APCDD1L: variants seen among roughly 807,000 people sequenced by gnomAD.
APCDD1L encodes protein APCDD1-like.
Under a neutral mutation model 24.2 loss-of-function variants are expected in APCDD1L, and 21 were observed. The observed-to-expected ratio is 0.87, with a 90% CI of 0.61 to 1.25. APCDD1L has a LOEUF of 1.25. APCDD1L is among the 50% of genes most tolerant of loss of function. The probability of loss-of-function intolerance (pLI) is 0.00; values close to 1 mark genes in which losing one functional copy is unlikely to be tolerated. For missense variants in APCDD1L, 704 were observed against 711.7 expected, an observed-to-expected ratio of 0.99 and a Z score of 0.12; for synonymous variants, 321 against 323.6, an observed-to-expected ratio of 0.99 and a Z score of 0.09.
chr20:58,513,639 C>T (rs1568757546), intron 1 of APCDD1L, among the ~76,000 whole-genome samples: 1 of 152,200 alleles, frequency 6.6e-6, no homozygotes, highest in Non-Finnish European at 1.5e-5. Context: ...CCCTCTTCAC[C>T]CCGGGGTTCT....
intron 1 of APCDD1L, among the ~76,000 whole-genome samples, chr20:58,493,019 C>T (rs1299696995): frequency 1.6e-4 from 25 of 151,866 alleles, no homozygotes; most frequent in African/African-American, 6.0e-4. Flanking sequence ...CACGTGCACT[C>T]ACACACAAGG....
chr20:58,494,611 T>C lies in APCDD1L; in HGVS notation c.49+20048A>G, dbSNP rs1990285830. Among the ~76,000 whole-genome samples, 1 of 152,106 alleles carries C rather than the reference T, an allele frequency of 6.6e-6. No individual in the cohort carries two copies. The highest frequency in any genetic ancestry group is 1.5e-5 in the Non-Finnish European group (1 of 68,022). ...GCCTCGGCCTCCCAAAGCGTTGGGATTATAGGTGTGAGCCACTGTGCCTGG... is the reference window on the plus strand; with the variant it reads ...GCCTCGGCCTCCCAAAGCGTTGGGACTATAGGTGTGAGCCACTGTGCCTGG... On this transcript the variant is annotated intron_variant, in intron 1 of 3. Coordinates refer to ENST00000371149, the MANE Select transcript of APCDD1L (RefSeq NM_153360.3). The surrounding 1 kb of genome is among the most constrained non-coding windows in gnomAD (Gnocchi z 4.8).
At chr20:58,509,970 G>C (rs942894475) in intron 1 of APCDD1L, among the ~76,000 whole-genome samples, 1 of 152,052 alleles carries the variant, frequency 6.6e-6, no homozygotes, top group African/African-American at 2.4e-5. Context: ...TCCACCCCTT[G>C]GTCCCTCACT....
intron 1 of APCDD1L, among the ~76,000 whole-genome samples, chr20:58,505,213 G>A (rs17545972): frequency 0.027 from 4,135 of 152,020 alleles, 84 homozygotes; most frequent in South Asian, 0.058. Flanking sequence ...TTCTTTTTAA[G>A]TTTTTTACAA....
chr20:58,511,816 G>A (rs896879402), intron 1 of APCDD1L, among the ~76,000 whole-genome samples: 2 of 152,170 alleles, frequency 1.3e-5, no homozygotes, highest in Non-Finnish European at 2.9e-5. Context: ...AATAGCTTGT[G>A]ATTTTGACCT....
chr20:58,498,562 C>G (rs1990369389), intron 1 of APCDD1L, among the ~76,000 whole-genome samples: 1 of 152,198 alleles, frequency 6.6e-6, no homozygotes, highest in South Asian at 2.1e-4. Context: ...TGATAGGGAC[C>G]ACTTGGGCGG....
rs1457561421 is a variant in APCDD1L, at chr20:58,508,242, T to G, written c.49+6417A>C. 6.6e-6 allele frequency among the ~76,000 whole-genome samples: 1 copy of G among 152,210 alleles called. No individual in the cohort carries two copies. The highest frequency in any genetic ancestry group is 1.5e-5 in the Non-Finnish European group (1 of 68,032). On this transcript the variant is annotated intron_variant, in intron 1 of 3. Coordinates refer to ENST00000371149, the MANE Select transcript of APCDD1L (RefSeq NM_153360.3). This position sits in a 1 kb window ranked among gnomAD's most constrained non-coding sequence, Gnocchi z 4.0. Reference sequence around the variant, plus strand: ...GAAGGAATGCAGCTGATGGACAGGCTGGTGGGCTCTGAGTGACTGCTTCAT... The same window carrying G: ...GAAGGAATGCAGCTGATGGACAGGCGGGTGGGCTCTGAGTGACTGCTTCAT...
chr20:58,514,063 C>A, intron 1 of APCDD1L: 1 of 842,880 alleles, frequency 1.2e-6, no homozygotes. Context: ...CGAAGAGCCA[C>A]CAGGGAACCC....
At position 58,461,234 on chromosome 20, in the gene APCDD1L, C is replaced by T. The variant is rs139865410; in HGVS notation, c.1062G>A (p.Glu354=). 2.7e-4 allele frequency: 436 copies of T among 1,613,626 alleles called. 3 individuals are homozygous for T. In the African/African-American group the frequency reaches 5.1e-3, roughly 19 times the overall value. The change falls in exon 4 of 4, where the codon GAG becomes GAA. Residue 354 remains glutamate (E), a synonymous_variant. Coordinates refer to ENST00000371149, the MANE Select transcript of APCDD1L (RefSeq NM_153360.3). The surrounding 1 kb of genome is among the most constrained non-coding windows in gnomAD (Gnocchi z 6.0). ...RVRGGTELVF[E]VTRAHVTPMD... ...TGGGGGTCACATGGGCCCGTGTGACCTCAAACACCAGCTCGGTGCCGCCGC... is the reference window on the plus strand; with the variant it reads ...TGGGGGTCACATGGGCCCGTGTGACTTCAAACACCAGCTCGGTGCCGCCGC...
At position 58,467,369 on chromosome 20, in the gene APCDD1L, G is replaced by A. The variant is rs758650859; in HGVS notation, c.478C>T (p.Arg160Trp). ...CAGGCCCGGGCCGGAGGCAGCCGCC[G>A]CGCGCAGTCCCGGCCGGCGCGGGTC... ...NQTRAGRDCA[R>W]RLPPARAWLP... Residue 160 changes from arginine to tryptophan, a missense_variant, in exon 3 of 4, where the codon CGG (arginine) becomes TGG (tryptophan). By Grantham distance (101) the Arg-to-Trp change is moderately radical. Transcript: ENST00000371149. This position sits in a 1 kb window ranked among gnomAD's most constrained non-coding sequence, Gnocchi z 5.9. 885 of 1,477,656 alleles carry A rather than the reference G, an allele frequency of 6.0e-4. 5 individuals are homozygous for A. In the Middle Eastern group the frequency reaches 0.021, roughly 35 times the overall value. The allele number at this position is 1,477,656 out of a possible 1,614,324, so 91.5% of individuals were successfully genotyped here.
intron 1 of APCDD1L, among the ~76,000 whole-genome samples, chr20:58,509,409 A>G (rs1471000907): frequency 6.6e-6 from 1 of 152,130 alleles, no homozygotes; most frequent in East Asian, 1.9e-4. Flanking sequence ...TTTGCAAATG[A>G]GTCTTAGCTA....
At chr20:58,491,843 G>A (rs1025913277) in intron 1 of APCDD1L, among the ~76,000 whole-genome samples, 6 of 152,232 alleles carry the variant, frequency 3.9e-5, no homozygotes, top group African/African-American at 1.4e-4. Context: ...TCGAGTAACT[G>A]TAGCATTGTA....
At chr20:58,480,997 G>C (rs1455610040) in intron 1 of APCDD1L, among the ~76,000 whole-genome samples, 1 of 152,206 alleles carries the variant, frequency 6.6e-6, no homozygotes, top group African/African-American at 2.4e-5. Context: ...TGCGTTCCCA[G>C]CTTGCACGTT....
At chr20:58,478,484 C>T (rs1292364737) in intron 1 of APCDD1L, among the ~76,000 whole-genome samples, 2 of 151,896 alleles carry the variant, frequency 1.3e-5, no homozygotes, top group Non-Finnish European at 2.9e-5. Context: ...GTCTGCCAGC[C>T]TCATGAGGGC....
Position 58,464,523 on chromosome 20 carries a change from G to C in APCDD1L, c.741+2583C>G, listed in dbSNP as rs116462539. 2.8e-3 allele frequency among the ~76,000 whole-genome samples: 422 copies of C among 152,328 alleles called. 1 individual carries two copies. The highest frequency in any genetic ancestry group is 9.2e-3 in the African/African-American group (382 of 41,558). On this transcript the variant is annotated intron_variant, in intron 3 of 3. Coordinates refer to ENST00000371149, the MANE Select transcript of APCDD1L (RefSeq NM_153360.3). ...CCCCCAGCCAGCAGAATTCACACTT[G>C]TACAGAAACCAAACTCTTACTCGTT...
chr20:58,515,360 C>A lies in APCDD1L; in HGVS notation c.-653G>T, dbSNP rs139194776. ...CCTCTGTCTGTAAATGAGGCCGTCA[C>A]CCGCTCCCCACCACACCCAAACGCA... On this transcript the variant is annotated 5_prime_UTR_variant, in exon 1 of 4. Transcript: ENST00000371149. The A allele has an allele frequency of 2.9e-6, 1 of 346,596 alleles. No homozygotes were observed. The highest frequency in any genetic ancestry group is 5.2e-6 in the Non-Finnish European group (1 of 193,814). 21.5% of individuals were successfully genotyped at this position (346,596 alleles called of 1,614,324 possible). A position where few individuals can be genotyped will look rare whatever the true frequency, so the allele number is the denominator to read the frequency against.
At chr20:58,502,880 G>A (rs568325195) in intron 1 of APCDD1L, among the ~76,000 whole-genome samples, 18 of 152,232 alleles carry the variant, frequency 1.2e-4, no homozygotes, top group South Asian at 2.1e-4. Context: ...ATTATTCCAC[G>A]TTCTTGTTGA....
At position 58,497,199 on chromosome 20, in the gene APCDD1L, G is replaced by A. The variant is rs911415871; in HGVS notation, c.49+17460C>T. On this transcript the variant is annotated intron_variant, in intron 1 of 3. Coordinates refer to ENST00000371149, the MANE Select transcript of APCDD1L (RefSeq NM_153360.3). The surrounding 1 kb of genome is among the most constrained non-coding windows in gnomAD (Gnocchi z 4.3). ...GGGAGCTGGTGAAAGGGGCCTCCTG[G>A]GGGTGAGGGGGCATGCAGCGGGTGG... 6.6e-6 allele frequency among the ~76,000 whole-genome samples: 1 copy of A among 151,834 alleles called. No individual in the cohort carries two copies. The highest frequency in any genetic ancestry group is 1.5e-5 in the Non-Finnish European group (1 of 67,932).
At chr20:58,474,920 C>T (rs1206030363) in intron 1 of APCDD1L, among the ~76,000 whole-genome samples, 1 of 152,126 alleles carries the variant, frequency 6.6e-6, no homozygotes, top group East Asian at 1.9e-4. Context: ...AATGACTCCG[C>T]TTTCTGTCTC....
Sources: allele counts gnomAD v4.1 joint callset (sites outside exome capture counted in the v4.1 genomes callset), GRCh38; gene constraint gnomAD v4.1.1; non-coding constraint Gnocchi (gnomAD v3.1); transcripts MANE v1.5; gene names NCBI Gene and HGNC (gene_info 2026-07-23, HGNC 2026-07-21).